Variants in DOT1L observed in about 807,000 individuals in gnomAD.
The protein encoded by DOT1L is DOT1 like histone lysine methyltransferase.
In DOT1L, 33 loss-of-function variants were observed where a neutral mutation model predicts 153.3. The ratio of observed to expected loss-of-function variants is 0.22; its 90% CI spans 0.16 to 0.29. DOT1L has a LOEUF of 0.29. Ranked by LOEUF, DOT1L falls within the 10% of genes least tolerant of loss-of-function variation. DOT1L has a pLI of 1.00. For missense variants in DOT1L, 1,847 were observed against 2,119.9 expected, an observed-to-expected ratio of 0.87 and a Z score of 2.53; for synonymous variants, 1,135 against 965.1, an observed-to-expected ratio of 1.18 and a Z score of -3.26.
chr19:2,189,387 G>T (rs546088322), intron 3 of DOT1L, among the ~76,000 whole-genome samples: 5 of 152,200 alleles, frequency 3.3e-5, no homozygotes, highest in Non-Finnish European at 5.9e-5. Context: ...TTTCCCACTT[G>T]GGGGGCTGGC....
intron 3 of DOT1L, 144 bp downstream of exon 3, chr19:2,186,073 T>G (rs2022493909): frequency 2.6e-6 from 2 of 779,608 alleles, no homozygotes; most frequent in African/African-American, 3.5e-5. Flanking sequence ...GTGGCCACCA[T>G]AAAGTTATTT....
chr19:2,201,302 T>TATTCCTCATTCTCCCTGC (rs1195485428), intron 8 of DOT1L, among the ~76,000 whole-genome samples: 1 of 129,402 alleles, frequency 7.7e-6, no homozygotes. Flanking sequence ...ATCCTCCCTG[T>TATTCCTCATTCTCCCTGC]ATTCCTCATT....
chr19:2,191,388 G>C lies in DOT1L; in HGVS notation c.493+148G>C, dbSNP rs1275104935. Reference sequence around the variant, plus strand: ...CTTCTCCCAGCGCCTCTGTCCCGCTGTGGGGCCGTTCCTTTCCCCAGCCCT... The same window carrying C: ...CTTCTCCCAGCGCCTCTGTCCCGCTCTGGGGCCGTTCCTTTCCCCAGCCCT... On this transcript the variant is annotated intron_variant, in intron 5 of 27. Transcript: ENST00000398665. This position sits in a 1 kb window ranked among gnomAD's most constrained non-coding sequence, Gnocchi z 6.8. 6.1e-6 allele frequency: 5 copies of C among 819,290 alleles called. No homozygotes were observed. The highest frequency in any genetic ancestry group is 5.3e-5 in the East Asian group (2 of 37,824). 50.8% of individuals were successfully genotyped at this position (819,290 alleles called of 1,614,324 possible).
intron 1 of DOT1L, among the ~76,000 whole-genome samples, chr19:2,177,481 C>G (rs1018949811): frequency 6.6e-6 from 1 of 152,018 alleles, no homozygotes; most frequent in Non-Finnish European, 1.5e-5. Context: ...ATTATTAGTA[C>G]TACTAACAAT....
Position 2,222,096 on chromosome 19 carries a change from C to T in DOT1L, c.2927C>T (p.Ala976Val), listed in dbSNP as rs2144902298. 1.9e-6 allele frequency: 3 copies of T among 1,613,394 alleles called. No individual in the cohort carries two copies. The highest frequency in any genetic ancestry group is 2.5e-6 in the Non-Finnish European group (3 of 1,179,918). ...TCCTCCAGCTCTGGGAGCCTTTTTG[C>T]CACCGTGGGGTCCCGCAGCTCCACG... The part of the protein sequence containing the change: ...DESSSSGSLF[A>V]TVGSRSSTPQ... Residue 976 changes from alanine (A) to valine (V), a missense_variant, in exon 24 of 28, where the codon GCC becomes GTC. Ala to Val is a moderately conservative substitution (Grantham distance 64, BLOSUM62 0). Around this residue, in one of 8 missense-constraint regions of DOT1L, gnomAD observed 934 missense variants for 825.3 expected, o/e 1.13. Transcript: ENST00000398665. This position sits in a 1 kb window ranked among gnomAD's most constrained non-coding sequence, Gnocchi z 6.5.
chr19:2,191,325 T>C lies in DOT1L; in HGVS notation c.493+85T>C. 7.1e-7 allele frequency: 1 copy of C among 1,408,784 alleles called. No individual in the cohort carries two copies. Among genetic ancestry groups the C allele is most frequent in the African/African-American group, 1.4e-5 (1 of 70,778 alleles). The allele number at this position is 1,408,784 out of a possible 1,614,324, so 87.3% of individuals were successfully genotyped here. A position where few individuals can be genotyped will look rare whatever the true frequency, so the allele number is the denominator to read the frequency against. On this transcript the variant is annotated intron_variant, in intron 5 of 27. Transcript: ENST00000398665. This position sits in a 1 kb window ranked among gnomAD's most constrained non-coding sequence, Gnocchi z 6.8. ...GCCCCATGCCTGCTTGGAGAAGAGT[T>C]TATCAGGGACTTGCGACGTTGGCGT...
At chr19:2,179,443 C>T (rs1262099235) in intron 1 of DOT1L, among the ~76,000 whole-genome samples, 14 of 152,032 alleles carry the variant, frequency 9.2e-5, no homozygotes, top group Non-Finnish European at 1.9e-4. Context: ...CAGGGGATCG[C>T]GTCTGCAACT....
Position 2,231,275 on chromosome 19 carries a change from GAGCCC to G in DOT1L, c.*1484_*1488del, listed in dbSNP as rs150923783. 9 of 224,806 alleles carry G rather than the reference GAGCCC, an allele frequency of 4.0e-5. No individual in the cohort carries two copies. The highest frequency in any genetic ancestry group is 1.8e-4 in the African/African-American group (8 of 44,974). The allele number at this position is 224,806 out of a possible 1,614,324, so 13.9% of individuals were successfully genotyped here. A position where few individuals can be genotyped will look rare whatever the true frequency, so the allele number is the denominator to read the frequency against. ...CTTGCTCCTGTGAGATGGCATCGGGGAGCCCCTTCCCCAAGGTGCCACAGATCCAC... is the reference window on the plus strand; with the variant it reads ...CTTGCTCCTGTGAGATGGCATCGGGGCTTCCCCAAGGTGCCACAGATCCAC... On this transcript the variant is annotated 3_prime_UTR_variant, in exon 28 of 28. Coordinates refer to ENST00000398665, the MANE Select transcript of DOT1L (RefSeq NM_032482.3).
chr19:2,202,225 T>C (rs1212411252), intron 8 of DOT1L, among the ~76,000 whole-genome samples: 1 of 152,098 alleles, frequency 6.6e-6, no homozygotes, highest in Non-Finnish European at 1.5e-5. Context: ...CTTGCCAGAG[T>C]GTCTGAAATG....
At chr19:2,181,208 G>T (rs1446345068) in intron 2 of DOT1L, among the ~76,000 whole-genome samples, 1 of 152,228 alleles carries the variant, frequency 6.6e-6, no homozygotes, top group African/African-American at 2.4e-5. Flanking sequence ...AGTGCAGGGA[G>T]GCCCTCTGGG....
In DOT1L at chr19:2,230,581, G is replaced by A. The variant is rs138828181; in HGVS notation, c.*789G>A. 5.9e-3 allele frequency: 2,354 copies of A among 398,704 alleles called. 15 individuals are homozygous for A. Among genetic ancestry groups the A allele is most frequent in the Middle Eastern group, 0.014 (22 of 1,588 alleles). The allele number at this position is 398,704 out of a possible 1,614,324, so 24.7% of individuals were successfully genotyped here. On this transcript the variant is annotated 3_prime_UTR_variant, in exon 28 of 28. Coordinates refer to ENST00000398665, the MANE Select transcript of DOT1L (RefSeq NM_032482.3). ...TGGCTCGCAGCATGCCCTGCGATGC[G>A]GGGCAGGCCTGTCGTGGGTCCCTTG... is the stretch of plus-strand genomic sequence containing the variant.
At chr19:2,185,957 G>A (rs367722837) in intron 3 of DOT1L, 28 bp downstream of exon 3, 11 of 1,608,414 alleles carry the variant, frequency 6.8e-6, no homozygotes, top group Admixed American at 1.7e-5. Context: ...CAGCCGCTCC[G>A]CTCCGAGGAC....
chr19:2,217,864 C>G lies in DOT1L; in HGVS notation c.2637C>G (p.Leu879=). ...TCAGCACCGTGCAGCCCAACAAGCT[C>G]CCGGTCAGCATTCCCCTGGCCAGCG... ...IPLSTVQPNK[L]PVSIPLASVV... is the part of the protein sequence containing the mutation. Residue 879 remains leucine (L), a synonymous_variant, in exon 22 of 28, where the codon CTC becomes CTG. Transcript: ENST00000398665. The surrounding 1 kb of genome is among the most constrained non-coding windows in gnomAD (Gnocchi z 7.3). The G allele has an allele frequency of 6.2e-7, 1 of 1,612,508 alleles. No individual in the cohort carries two copies.
Position 2,208,119 on chromosome 19 carries a change from C to T in DOT1L, c.963+439C>T, listed in dbSNP as rs2023575358. 2.6e-5 allele frequency among the ~76,000 whole-genome samples: 4 copies of T among 152,130 alleles called. No homozygotes were observed. Among genetic ancestry groups the T allele is most frequent in the Admixed American group, 1.3e-4 (2 of 15,286 alleles). On this transcript the variant is annotated intron_variant, in intron 11 of 27. Transcript: ENST00000398665. This position sits in a 1 kb window ranked among gnomAD's most constrained non-coding sequence, Gnocchi z 4.4. ...GGGGTCTGGGATGCTTCTTCCCTCC[C>T]TGTGTTCCCCAGGGTCCTCTGACAC... is the stretch of plus-strand genomic sequence containing the variant.
intron 1 of DOT1L, among the ~76,000 whole-genome samples, chr19:2,170,882 C>T (rs539132715): frequency 1.5e-4 from 23 of 152,198 alleles, no homozygotes; most frequent in South Asian, 6.2e-4. Context: ...ACGTGTGTCT[C>T]CCGGGACCTG....
At position 2,226,392 on chromosome 19, in the gene DOT1L, C is replaced by T. The variant is rs2024330433; in HGVS notation, c.3871C>T (p.His1291Tyr). 6.3e-7 allele frequency: 1 copy of T among 1,594,544 alleles called. No individual in the cohort carries two copies. Among genetic ancestry groups the T allele is most frequent in the South Asian group, 1.1e-5 (1 of 89,634 alleles). ...CTCTGCCGATGCCAAGCTGGCCGCT[C>T]ACCCCAGGAAAGGCTTTCCCGGCTC... ...EPSADAKLAAHPRKGFPGSLS... is the reference protein window; with the variant it reads ...EPSADAKLAAYPRKGFPGSLS... Residue 1291 changes from histidine (H) to tyrosine (Y), a missense_variant, in exon 27 of 28, where the codon CAC becomes TAC. By Grantham distance (83) the His-to-Tyr change is moderately conservative. Around this residue, in one of 8 missense-constraint regions of DOT1L, gnomAD observed 934 missense variants for 825.3 expected, o/e 1.13. Transcript: ENST00000398665.
rs1382336006 is a variant in DOT1L, at chr19:2,204,174, CGT to C, written c.787+1398_787+1399del. Among the ~76,000 whole-genome samples the C allele has an allele frequency of 1.3e-5, 2 of 150,258 alleles. No individual in the cohort carries two copies. The highest frequency in any genetic ancestry group is 3.0e-5 in the Non-Finnish European group (2 of 67,544). On this transcript the variant is annotated intron_variant, in intron 9 of 27. Coordinates refer to ENST00000398665, the MANE Select transcript of DOT1L (RefSeq NM_032482.3). This position sits in a 1 kb window ranked among gnomAD's most constrained non-coding sequence, Gnocchi z 5.7. ...GCCCGTGTGCCTGTGTGTCTGTTAG[CGT>C]GTCTCTGTGTGCGTGCCTGTGCGTG...
chr19:2,218,853 C>T (rs982747354), intron 22 of DOT1L, among the ~76,000 whole-genome samples: 18 of 151,094 alleles, frequency 1.2e-4, no homozygotes, highest in African/African-American at 2.7e-4. Flanking sequence ...CCCACCACCA[C>T]GCCCGGTTAA....
chr19:2,221,528 G>C (rs1441032707), intron 23 of DOT1L: 1 of 170,490 alleles, frequency 5.9e-6, no homozygotes, highest in Admixed American at 5.9e-5. Context: ...TGGGAAGCAT[G>C]GCTGCGGCCT....
Sources: gnomAD v4.1 joint callset for allele counts (sites outside exome capture counted in the v4.1 genomes callset) on GRCh38, gnomAD v4.1.1 for gene constraint, gnomAD v4.1.1 regional missense constraint, Gnocchi (gnomAD v3.1) non-coding constraint, MANE v1.5 for transcripts, NCBI Gene and HGNC (gene_info 2026-07-23, HGNC 2026-07-21) for gene names.